The following PEPD variants were observed in gnomAD, a reference collection of about 807,000 sequenced individuals.
PEPD encodes the protein peptidase D.
A neutral mutation model predicts 60.7 loss-of-function variants in PEPD; 53 were observed. The ratio of observed to expected loss-of-function variants is 0.87; its 90% CI spans 0.70 to 1.10. The LOEUF (loss-of-function observed/expected upper bound fraction) is 1.10. Among genes scored for constraint, PEPD ranks in the 50% least tolerant of loss-of-function variants. PEPD has a pLI of 0.00. For missense variants in PEPD, 711 were observed against 711.9 expected, an observed-to-expected ratio of 1.00 and a Z score of 0.01; for synonymous variants, 267 against 284.1, an observed-to-expected ratio of 0.94 and a Z score of 0.60.
At chr19:33,449,324 C>G (rs76396465) in intron 9 of PEPD, among the ~76,000 whole-genome samples, 11,402 of 152,238 alleles carry the variant, frequency 0.075, 527 homozygotes, top group Non-Finnish European at 0.11. Flanking sequence ...AGCAGAGCCC[C>G]GCATGGTGGG....
chr19:33,391,691 C>T lies in PEPD; in HGVS notation c.968-212G>A, dbSNP rs571329633. On this transcript the variant is annotated intron_variant, in intron 12 of 14. Coordinates refer to ENST00000244137, the MANE Select transcript of PEPD (RefSeq NM_000285.4). ...CTTTCCCAGCAAAAGCTCTGGCCCT[C>T]GGGACCCTTCTTGTCCCTCCATTCT... 2.6e-5 allele frequency among the ~76,000 whole-genome samples: 4 copies of T among 152,276 alleles called. No homozygotes were observed. In the East Asian group the frequency reaches 5.8e-4, roughly 22 times the overall value.
chr19:33,503,255 A>G (rs1168179270), intron 3 of PEPD, among the ~76,000 whole-genome samples: 1 of 152,166 alleles, frequency 6.6e-6, no homozygotes, highest in Non-Finnish European at 1.5e-5. Flanking sequence ...GGCCCGGGAG[A>G]CGCTGGTCTC....
chr19:33,501,998 T>A (rs1270564383), intron 3 of PEPD, among the ~76,000 whole-genome samples: 1 of 152,150 alleles, frequency 6.6e-6, no homozygotes, highest in Non-Finnish European at 1.5e-5. Context: ...GCAGCCCTCG[T>A]CCACCTCCTG....
intron 3 of PEPD, among the ~76,000 whole-genome samples, chr19:33,503,256 C>T (rs528836703): frequency 1.3e-4 from 20 of 152,324 alleles, no homozygotes; most frequent in African/African-American, 3.1e-4. Context: ...GCCCGGGAGA[C>T]GCTGGTCTCA....
intron 9 of PEPD, among the ~76,000 whole-genome samples, chr19:33,430,021 G>C (rs2145394299): frequency 6.6e-6 from 1 of 152,336 alleles, no homozygotes; most frequent in East Asian, 1.9e-4. Flanking sequence ...GGGAGGAGGG[G>C]TGTCCTGCAC....
intron 11 of PEPD, among the ~76,000 whole-genome samples, chr19:33,408,210 G>A (rs1030891417): frequency 3.0e-4 from 45 of 152,226 alleles, no homozygotes; most frequent in Non-Finnish European, 7.3e-5. Context: ...ACAACCAGGG[G>A]ACGGGAGCTG....
rs373432690 is a variant in PEPD, at chr19:33,507,456, G to C, written c.329+3572C>G. On this transcript the variant is annotated intron_variant, in intron 3 of 14. Coordinates refer to ENST00000244137, the MANE Select transcript of PEPD (RefSeq NM_000285.4). ...TGGGGTGAGGAGTGGGCCGGCTTCAGGCTGCCCACGGCCCCTGGCGTCTGC... is the reference window on the plus strand; with the variant it reads ...TGGGGTGAGGAGTGGGCCGGCTTCACGCTGCCCACGGCCCCTGGCGTCTGC... Among the ~76,000 whole-genome samples, 102 of 152,296 alleles carry C rather than the reference G, an allele frequency of 6.7e-4. No homozygotes were observed. The East Asian group carries it at 0.014, about 20-fold the overall frequency.
intron 1 of PEPD, among the ~76,000 whole-genome samples, chr19:33,514,149 G>A (rs1394250782): frequency 1.3e-5 from 2 of 152,188 alleles, no homozygotes; most frequent in East Asian, 3.9e-4. Context: ...AGGTGGAGGA[G>A]GAGTAAGCAG....
chr19:33,431,148 GAGGAAGGAAGGAAAGA>G (rs1969263349), intron 9 of PEPD, among the ~76,000 whole-genome samples: 1 of 138,274 alleles, frequency 7.2e-6, no homozygotes, highest in South Asian at 2.5e-4. Context: ...GAAAGGGAGA[GAGGAAGGAAGGAAAGA>G]AGGAAGGAAG....
intron 7 of PEPD, 43 bp from the exon 8 acceptor site, chr19:33,464,105 G>A: frequency 7.0e-7 from 1 of 1,424,040 alleles, no homozygotes; most frequent in Non-Finnish European, 9.9e-7. Context: ...GTGACTTTCA[G>A]GAGGCACTGG....
intron 5 of PEPD, 84 bp downstream of exon 5, chr19:33,493,206 C>T: frequency 3.1e-6 from 3 of 971,674 alleles, no homozygotes; most frequent in Non-Finnish European, 4.9e-6. Flanking sequence ...CCCCTATGGG[C>T]CCGACCTCTG....
chr19:33,456,846 G>A (rs149576524), intron 9 of PEPD, among the ~76,000 whole-genome samples: 54 of 152,134 alleles, frequency 3.5e-4, no homozygotes, highest in African/African-American at 1.3e-3. Context: ...TCCAGGCTGA[G>A]AGCAGATTAG....
At chr19:33,395,704 G>A (rs1968344081) in intron 12 of PEPD, among the ~76,000 whole-genome samples, 1 of 152,186 alleles carries the variant, frequency 6.6e-6, no homozygotes, top group Non-Finnish European at 1.5e-5. Flanking sequence ...ACAGCCCCAG[G>A]GGGCTCCCGG....
chr19:33,454,897 T>C (rs550168854), intron 9 of PEPD, among the ~76,000 whole-genome samples: 1 of 152,360 alleles, frequency 6.6e-6, no homozygotes, highest in African/African-American at 2.4e-5. Context: ...ATGGCACTTC[T>C]GTGCTCTCCT....
chr19:33,459,753 A>T (rs1969892772), intron 9 of PEPD, among the ~76,000 whole-genome samples: 1 of 152,022 alleles, frequency 6.6e-6, no homozygotes, highest in African/African-American at 2.4e-5. Context: ...TTAGAACTGG[A>T]GGTCCAGGCC....
intron 9 of PEPD, among the ~76,000 whole-genome samples, chr19:33,439,615 A>C (rs1363645013): frequency 6.6e-6 from 1 of 152,180 alleles, no homozygotes; most frequent in East Asian, 1.9e-4. Flanking sequence ...GGGAGCTCTC[A>C]GCAAAGGAGA....
chr19:33,448,403 C>T (rs182250786), intron 9 of PEPD, among the ~76,000 whole-genome samples: 34 of 152,300 alleles, frequency 2.2e-4, no homozygotes, highest in Non-Finnish European at 4.1e-4. Context: ...CCATCTACCA[C>T]GGGCTCCTTC....
intron 6 of PEPD, among the ~76,000 whole-genome samples, chr19:33,482,601 A>T (rs569309936): frequency 6.6e-6 from 1 of 152,322 alleles, no homozygotes; most frequent in Non-Finnish European, 1.5e-5. Flanking sequence ...TAGCCAAGGC[A>T]AACAGGCAAG....
intron 1 of PEPD, among the ~76,000 whole-genome samples, chr19:33,514,465 G>A (rs1012337407): frequency 7.9e-5 from 12 of 151,906 alleles, no homozygotes; most frequent in East Asian, 2.0e-4. Flanking sequence ...GGTCTTCCCC[G>A]GCCTCCCTCT....
Sources: gnomAD v4.1 joint callset for allele counts (sites outside exome capture counted in the v4.1 genomes callset) on GRCh38, gnomAD v4.1.1 for gene constraint, MANE v1.5 for transcripts, NCBI Gene and HGNC (gene_info 2026-07-23, HGNC 2026-07-21) for gene names.